ADGRV1: variants seen among roughly 807,000 people sequenced by gnomAD.
ADGRV1 encodes adhesion G protein-coupled receptor V1.
Under a neutral mutation model 596.2 loss-of-function variants are expected in ADGRV1, and 359 were observed. The ratio of observed to expected loss-of-function variants is 0.60; its 90% CI spans 0.55 to 0.66. The LOEUF (loss-of-function observed/expected upper bound fraction) is 0.66. Ranked by LOEUF, ADGRV1 falls within the 30% of genes least tolerant of loss-of-function variation. ADGRV1 has a pLI of 0.00. For synonymous variants in ADGRV1, 2,681 were observed against 2,679.2 expected, an observed-to-expected ratio of 1.00 and a Z score of -0.02; for missense variants, 7,274 against 7,575.6, an observed-to-expected ratio of 0.96 and a Z score of 1.48.
chr5:90,849,003 A>T (rs943816787), intron 79 of ADGRV1, among the ~76,000 whole-genome samples, 182 bp downstream of exon 79: 1 of 152,248 alleles, frequency 6.6e-6, no homozygotes, highest in Non-Finnish European at 1.5e-5. Context: ...CATCAAAAAA[A>T]TAAATGTATA....
At chr5:90,752,477 G>T (rs1388801071) in intron 53 of ADGRV1, among the ~76,000 whole-genome samples, 1 of 152,024 alleles carries the variant, frequency 6.6e-6, no homozygotes, top group East Asian at 1.9e-4. Context: ...ATAAGCCCCA[G>T]TGTGTGTTGT....
chr5:91,141,964 C>T (rs935563497), intron 87 of ADGRV1, among the ~76,000 whole-genome samples: 4 of 152,162 alleles, frequency 2.6e-5, no homozygotes, highest in African/African-American at 9.7e-5. Context: ...GACCATACCG[C>T]CAGGAAGACA....
At chr5:90,662,846 G>A (rs1770600565) in intron 21 of ADGRV1, among the ~76,000 whole-genome samples, 1 of 151,872 alleles carries the variant, frequency 6.6e-6, no homozygotes, top group African/African-American at 2.4e-5. Flanking sequence ...CCACCTATGA[G>A]TGAGAATATG....
intron 34 of ADGRV1, among the ~76,000 whole-genome samples, chr5:90,700,165 T>C (rs773001932): frequency 6.6e-6 from 1 of 152,218 alleles, no homozygotes; most frequent in Admixed American, 6.5e-5. Flanking sequence ...GATGATTTTA[T>C]GAAAGTGAAT....
chr5:90,581,733 C>T (rs1758086919), intron 1 of ADGRV1, among the ~76,000 whole-genome samples: 1 of 152,200 alleles, frequency 6.6e-6, no homozygotes, highest in African/African-American at 2.4e-5. Context: ...TTTGTCCATT[C>T]TCAGAGCTCA....
At chr5:90,988,172 C>T (rs1444362696) in intron 85 of ADGRV1, among the ~76,000 whole-genome samples, 1 of 152,112 alleles carries the variant, frequency 6.6e-6, no homozygotes, top group Non-Finnish European at 1.5e-5. Context: ...CTTTACAGTG[C>T]CTTCAAACAA....
intron 7 of ADGRV1, 176 bp downstream of exon 7, chr5:90,627,952 A>ACACC: frequency 2.3e-6 from 1 of 439,168 alleles, no homozygotes. Context: ...ACACACACAC[A>ACACC]CACACACACA....
intron 83 of ADGRV1, among the ~76,000 whole-genome samples, chr5:90,922,815 C>T (rs1373131510): frequency 6.6e-6 from 1 of 152,148 alleles, no homozygotes; most frequent in Non-Finnish European, 1.5e-5. Flanking sequence ...ACGGCTGGTC[C>T]TCAGGCTTTA....
intron 2 of ADGRV1, chr5:90,617,143 T>C (rs2152055275): frequency 6.6e-6 from 1 of 152,280 alleles, no homozygotes; most frequent in East Asian, 1.9e-4. Context: ...TTTTGAGAAT[T>C]TTAGCTATAA....
chr5:90,943,182 G>T (rs1776302426), intron 83 of ADGRV1, among the ~76,000 whole-genome samples: 1 of 133,628 alleles, frequency 7.5e-6, no homozygotes, highest in South Asian at 2.6e-4. Context: ...TCTAGCCAGT[G>T]GTGGTGCCTC....
At chr5:90,997,175 T>C (rs1247120534) in intron 85 of ADGRV1, among the ~76,000 whole-genome samples, 2 of 152,110 alleles carry the variant, frequency 1.3e-5, no homozygotes, top group African/African-American at 4.8e-5. Context: ...AGTGGTAGTA[T>C]GATATAGTTT....
chr5:90,810,188 A>G, intron 73 of ADGRV1, 45 bp from the exon 74 acceptor site: 1 of 1,452,566 alleles, frequency 6.9e-7, no homozygotes, highest in Non-Finnish European at 9.2e-7. Flanking sequence ...TCATATTCCT[A>G]TTTTTTAAAA....
chr5:90,720,873 A>G, intron 44 of ADGRV1, 62 bp from the exon 45 acceptor site: 2 of 1,380,426 alleles, frequency 1.4e-6, no homozygotes, highest in Non-Finnish European at 2.0e-6. Context: ...AATATGATAT[A>G]TATTTCAAAT....
In ADGRV1 at chr5:91,066,637, A is replaced by T. The variant is rs529323799; in HGVS notation, c.18153-5810A>T. On this transcript the variant is annotated intron_variant, in intron 85 of 89. Transcript: ENST00000405460. ...TCATAGCTGGTCCCAGCTCCTCTCC[A>T]TGGACCATCAGGGAGTGGCAGCCCA... is the stretch of plus-strand genomic sequence containing the variant. Among the ~76,000 whole-genome samples, 125 of 152,298 alleles carry T rather than the reference A, an allele frequency of 8.2e-4. 1 individual carries two copies. The highest frequency in any genetic ancestry group is 2.9e-3 in the African/African-American group (119 of 41,568).
intron 85 of ADGRV1, among the ~76,000 whole-genome samples, chr5:91,065,290 C>G (rs1787791225): frequency 6.6e-6 from 1 of 152,072 alleles, no homozygotes; most frequent in South Asian, 2.1e-4. Flanking sequence ...CTGAGGGAGG[C>G]TGGCACATGA....
At chr5:90,917,984 T>A (rs1052841167) in intron 83 of ADGRV1, among the ~76,000 whole-genome samples, 3 of 152,170 alleles carry the variant, frequency 2.0e-5, no homozygotes, top group Admixed American at 1.3e-4. Context: ...CAGATATATT[T>A]CACTATTTCA....
At chr5:90,740,848 C>A (rs969184491) in intron 50 of ADGRV1, among the ~76,000 whole-genome samples, 1 of 152,164 alleles carries the variant, frequency 6.6e-6, no homozygotes, top group Non-Finnish European at 1.5e-5. Flanking sequence ...CTCTTGTGTG[C>A]CGGACTGTGC....
At chr5:90,856,882 T>C (rs1375577339) in intron 82 of ADGRV1, among the ~76,000 whole-genome samples, 1 of 152,226 alleles carries the variant, frequency 6.6e-6, no homozygotes, top group South Asian at 2.1e-4. Flanking sequence ...AGTGATATTT[T>C]GTCTGTAAAT....
intron 87 of ADGRV1, among the ~76,000 whole-genome samples, chr5:91,149,511 G>A (rs1795838172): frequency 6.6e-6 from 1 of 152,128 alleles, no homozygotes; most frequent in Non-Finnish European, 1.5e-5. Context: ...GGAACTGTGA[G>A]TCAATTAAAC....
Sources: gnomAD v4.1 joint callset for allele counts (sites outside exome capture counted in the v4.1 genomes callset) on GRCh38, gnomAD v4.1.1 for gene constraint, MANE v1.5 for transcripts, NCBI Gene and HGNC (gene_info 2026-07-23, HGNC 2026-07-21) for gene names.